DNAH11: variants seen among roughly 807,000 people sequenced by gnomAD.
DNAH11 encodes dynein axonemal heavy chain 11.
In DNAH11, 442 loss-of-function variants were observed where a neutral mutation model predicts 526.0. The ratio of observed to expected loss-of-function variants is 0.84; its 90% CI spans 0.78 to 0.91. The LOEUF (loss-of-function observed/expected upper bound fraction) is 0.91. Ranked by LOEUF, DNAH11 falls within the 40% of genes least tolerant of loss-of-function variation. The pLI is 0.00. For synonymous variants in DNAH11, 2,461 were observed against 1,935.9 expected (o/e 1.27, Z -7.12); for missense variants, 6,989 against 5,448.7 (o/e 1.28, Z -8.90).
In DNAH11 at chr7:21,867,942, C is replaced by G; in HGVS notation, c.11774C>G (p.Pro3925Arg). 1 of 1,570,280 alleles carries G rather than the reference C, an allele frequency of 6.4e-7. No homozygotes were observed. The highest frequency in any genetic ancestry group is 1.2e-5 in the South Asian group (1 of 85,198). Reference protein sequence around the residue: ...DLVKAFEESSPATPIFFILSP... With the variant: ...DLVKAFEESSRATPIFFILSP... ...GTTAAAGCATTCGAAGAAAGCAGCC[C>G]AGCCACCCCCATATTCTTCATCCTG... The change falls in exon 72 of 82, where the codon CCA becomes CGA. Residue 3925 changes from proline (P) to arginine (R), a missense_variant. Physicochemically the swap from Pro to Arg is moderately radical, Grantham distance 103. Transcript: ENST00000409508.
At chr7:21,617,541 T>A in intron 22 of DNAH11, 78 bp from the exon 23 acceptor site, 1 of 1,497,512 alleles carries the variant, frequency 6.7e-7, no homozygotes, top group South Asian at 1.2e-5. Context: ...TTGGGAAATA[T>A]ATGTCAAAGG....
intron 14 of DNAH11, among the ~76,000 whole-genome samples, chr7:21,596,915 G>C (rs986771114): frequency 6.6e-6 from 1 of 152,202 alleles, no homozygotes; most frequent in Non-Finnish European, 1.5e-5. Flanking sequence ...TCTTTTAAGT[G>C]ATTATTTTCC....
At chr7:21,663,511 G>T (rs1346369585) in intron 30 of DNAH11, among the ~76,000 whole-genome samples, 1 of 151,934 alleles carries the variant, frequency 6.6e-6, no homozygotes, top group African/African-American at 2.4e-5. Flanking sequence ...CTTTTTAATA[G>T]CCATTCTGAC....
intron 45 of DNAH11, among the ~76,000 whole-genome samples, chr7:21,726,518 G>A (rs1488715178): frequency 1.3e-5 from 2 of 150,914 alleles, no homozygotes; most frequent in Non-Finnish European, 3.0e-5. Flanking sequence ...GTGTTAATAT[G>A]CTCAGCATAT....
intron 74 of DNAH11, among the ~76,000 whole-genome samples, chr7:21,880,132 C>G (rs1583806153): frequency 6.7e-6 from 1 of 150,170 alleles, no homozygotes; most frequent in East Asian, 2.0e-4. Context: ...AGAGTGACAA[C>G]TAAGACAAGC....
intron 68 of DNAH11, among the ~76,000 whole-genome samples, chr7:21,858,877 C>A (rs181966102): frequency 3.9e-5 from 6 of 152,050 alleles, no homozygotes; most frequent in African/African-American, 1.4e-4. Context: ...AGTATGTAAA[C>A]GAAAAACTGA....
chr7:21,677,906 C>T (rs1782964017), intron 30 of DNAH11, among the ~76,000 whole-genome samples: 2 of 152,106 alleles, frequency 1.3e-5, no homozygotes, highest in African/African-American at 2.4e-5. Flanking sequence ...GTCCTTTGCC[C>T]ATTGCTAATC....
At chr7:21,692,255 C>T (rs552650131) in intron 35 of DNAH11, among the ~76,000 whole-genome samples, 1 of 152,276 alleles carries the variant, frequency 6.6e-6, no homozygotes, top group African/African-American at 2.4e-5. Context: ...TTAATACAAT[C>T]AAGTGTACAG....
At chr7:21,679,615 T>G (rs1214177270) in intron 30 of DNAH11, among the ~76,000 whole-genome samples, 1 of 152,196 alleles carries the variant, frequency 6.6e-6, no homozygotes, top group Non-Finnish European at 1.5e-5. Context: ...ATTAATATTT[T>G]TATTTCTTTA....
At chr7:21,799,259 C>G (rs974139898) in intron 61 of DNAH11, among the ~76,000 whole-genome samples, 1 of 152,112 alleles carries the variant, frequency 6.6e-6, no homozygotes, top group Non-Finnish European at 1.5e-5. Flanking sequence ...CCAGAGCCTT[C>G]GTGTGCTTCT....
At position 21,786,699 on chromosome 7, in the gene DNAH11, C is replaced by T; in HGVS notation, c.9673C>T (p.Leu3225Phe). 1 of 1,613,894 alleles carries T rather than the reference C, an allele frequency of 6.2e-7. No homozygotes were observed. The change falls in exon 59 of 82, where the codon CTT becomes TTT. Residue 3225 changes from leucine (L) to phenylalanine (F), a missense_variant. Physicochemically the swap from Leu to Phe is conservative, Grantham distance 22 (BLOSUM62 0). Coordinates refer to ENST00000409508, the MANE Select transcript of DNAH11 (RefSeq NM_001277115.2). ...VTNVTAAVMVLLAPRGRVPKD... is the reference protein window; with the variant it reads ...VTNVTAAVMVFLAPRGRVPKD... ...CAATGTTACTGCAGCCGTGATGGTCCTTCTGGCTCCTCGGGGAAGAGTGCC... is the reference window on the plus strand; with the variant it reads ...CAATGTTACTGCAGCCGTGATGGTCTTTCTGGCTCCTCGGGGAAGAGTGCC...
chr7:21,597,486 G>A (rs1239537630), intron 14 of DNAH11, among the ~76,000 whole-genome samples: 3 of 152,092 alleles, frequency 2.0e-5, no homozygotes, highest in Non-Finnish European at 4.4e-5. Flanking sequence ...TAATTGACTC[G>A]CAGTTCTAGA....
chr7:21,736,975 T>A (rs1785641164), intron 46 of DNAH11, among the ~76,000 whole-genome samples: 1 of 152,236 alleles, frequency 6.6e-6, no homozygotes. Context: ...TACAGTTCAG[T>A]AGTTGAACAA....
At chr7:21,593,743 A>G (rs1463621580) in intron 14 of DNAH11, among the ~76,000 whole-genome samples, 1 of 152,008 alleles carries the variant, frequency 6.6e-6, no homozygotes, top group African/African-American at 2.4e-5. Flanking sequence ...TTTCTTAAGG[A>G]AAAAAGGGAT....
intron 25 of DNAH11, among the ~76,000 whole-genome samples, chr7:21,621,412 A>G (rs539821784): frequency 3.2e-4 from 49 of 152,304 alleles, no homozygotes; most frequent in South Asian, 1.4e-3. Context: ...AACTGGTACC[A>G]TTCCTTCTGA....
In DNAH11 at chr7:21,765,039, C is replaced by T. The variant is rs62447166; in HGVS notation, c.8941-389C>T. ...CAGCTTTATGGAACCTGATGAATTACAAAATGGAAGAAACAGAAGATGAAA... is the reference window on the plus strand; with the variant it reads ...CAGCTTTATGGAACCTGATGAATTATAAAATGGAAGAAACAGAAGATGAAA... On this transcript the variant is annotated intron_variant, in intron 54 of 81. Transcript: ENST00000409508. Among the ~76,000 whole-genome samples the T allele has an allele frequency of 8.0e-3, 1,222 of 152,226 alleles. 11 individuals are homozygous for T. The highest frequency in any genetic ancestry group is 0.013 in the Non-Finnish European group (864 of 68,010).
intron 9 of DNAH11, among the ~76,000 whole-genome samples, chr7:21,587,520 G>A (rs541662665): frequency 6.6e-6 from 1 of 152,266 alleles, no homozygotes; most frequent in East Asian, 1.9e-4. Context: ...TGGAGTGGTT[G>A]TCCTTGTAAC....
At chr7:21,886,349 A>G (rs1784124310) in intron 76 of DNAH11, among the ~76,000 whole-genome samples, 1 of 152,208 alleles carries the variant, frequency 6.6e-6, no homozygotes, top group Admixed American at 6.5e-5. Context: ...TTAGTCTAAT[A>G]TAGAAAACTG....
intron 76 of DNAH11, among the ~76,000 whole-genome samples, chr7:21,888,958 TCTGCA>T (rs1458895587): frequency 6.6e-6 from 1 of 151,560 alleles, no homozygotes; most frequent in Non-Finnish European, 1.5e-5. Context: ...TTTAGTATAT[TCTGCA>T]ACCATTACAA....
Sources: allele counts gnomAD v4.1 joint callset (sites outside exome capture counted in the v4.1 genomes callset), GRCh38; gene constraint gnomAD v4.1.1; transcripts MANE v1.5; gene names NCBI Gene and HGNC (gene_info 2026-07-23, HGNC 2026-07-21).